The following VWA8 variants were observed in gnomAD, a reference collection of about 807,000 sequenced individuals.
VWA8 encodes von Willebrand factor A domain containing 8.
VWA8 carries 221 observed loss-of-function variants against 241.5 expected under a neutral mutation model. The observed-to-expected ratio is 0.91, with a 90% CI of 0.82 to 1.02. The LOEUF (loss-of-function observed/expected upper bound fraction) is 1.02. Ranked by LOEUF, VWA8 falls within the 50% of genes least tolerant of loss-of-function variation. The probability of loss-of-function intolerance (pLI) is 0.00; values close to 1 mark genes in which losing one functional copy is unlikely to be tolerated. For synonymous variants in VWA8, 852 were observed against 827.1 expected (o/e 1.03, Z -0.52); for missense variants, 2,322 against 2,328.7 (o/e 1.00, Z 0.06).
rs931890667 is a variant in VWA8 at position 41,882,222 on chromosome 13, C to T, written c.1080+1165G>A. Among the ~76,000 whole-genome samples the T allele has an allele frequency of 4.0e-5, 6 of 151,182 alleles. 1 individual carries two copies. The highest frequency in any genetic ancestry group is 7.4e-5 in the Non-Finnish European group (5 of 67,850). On this transcript the variant is annotated intron_variant, in intron 9 of 44. Transcript: ENST00000379310. ...CAGACGATGGGCGGCCGGGCAGAGA[C>T]GCTCCTCACTTCCTAGATGGGATGG...
intron 17 of VWA8, among the ~76,000 whole-genome samples, chr13:41,793,801 C>T (rs1869563472): frequency 1.3e-5 from 2 of 152,110 alleles, no homozygotes; most frequent in African/African-American, 4.8e-5. Flanking sequence ...GGCGACAGAG[C>T]AAGACTCCAT....
intron 38 of VWA8, among the ~76,000 whole-genome samples, chr13:41,611,955 C>T (rs1471302251): frequency 6.6e-6 from 1 of 152,190 alleles, no homozygotes; most frequent in Non-Finnish European, 1.5e-5. Context: ...CTTACTCCAG[C>T]TTCTATGACA....
At chr13:41,578,041 T>C (rs934250219) in intron 42 of VWA8, among the ~76,000 whole-genome samples, 1 of 152,250 alleles carries the variant, frequency 6.6e-6, no homozygotes, top group Non-Finnish European at 1.5e-5. Flanking sequence ...GATATATCTA[T>C]CTACCATTTA....
intron 1 of VWA8, among the ~76,000 whole-genome samples, chr13:41,950,417 G>A (rs1189521243): frequency 6.6e-6 from 1 of 151,630 alleles, no homozygotes; most frequent in Non-Finnish European, 1.5e-5. Context: ...CACCTGGGCT[G>A]GAGTGCAGTG....
At chr13:41,634,846 A>G (rs982687676) in intron 37 of VWA8, among the ~76,000 whole-genome samples, 1 of 152,190 alleles carries the variant, frequency 6.6e-6, no homozygotes, top group Non-Finnish European at 1.5e-5. Context: ...TAATATTTTT[A>G]TACGATTTTA....
At chr13:41,890,919 G>C (rs1466550326) in intron 5 of VWA8, among the ~76,000 whole-genome samples, 1 of 152,108 alleles carries the variant, frequency 6.6e-6, no homozygotes, top group Non-Finnish European at 1.5e-5. Context: ...AGCAACCTCG[G>C]CATGTGATGC....
intron 4 of VWA8, among the ~76,000 whole-genome samples, chr13:41,905,732 A>C (rs984157523): frequency 3.0e-4 from 45 of 152,040 alleles, no homozygotes; most frequent in African/African-American, 1.0e-3. Context: ...GTTAATGTTA[A>C]ACGTTTTTAG....
In VWA8 at chr13:41,692,976, C is replaced by T. The variant is rs117582254; in HGVS notation, c.3565-4G>A. 2.6e-6 allele frequency: 4 copies of T among 1,558,036 alleles called. No individual in the cohort carries two copies. The highest frequency in any genetic ancestry group is 1.2e-5 in the South Asian group (1 of 86,730). On this transcript the variant is annotated splice_polypyrimidine_tract_variant and splice_region_variant and intron_variant, in intron 29 of 44. Transcript: ENST00000379310. The stretch of plus-strand genomic sequence containing the variant: ...CTAACAACAGGATAACATTACTCTG[C>T]AAATGATAAAAACAGTGAAAAGCTC...
At chr13:41,834,150 T>C (rs1009967566) in intron 12 of VWA8, among the ~76,000 whole-genome samples, 1 of 152,214 alleles carries the variant, frequency 6.6e-6, no homozygotes, top group Admixed American at 6.5e-5. Context: ...AAGCAATTTT[T>C]AAAAGCACAC....
chr13:41,884,337 C>A (rs2138076327), intron 8 of VWA8, among the ~76,000 whole-genome samples: 1 of 151,510 alleles, frequency 6.6e-6, no homozygotes, highest in Non-Finnish European at 1.5e-5. Flanking sequence ...GGGCTTTTCC[C>A]CTCCTTCACT....
At chr13:41,579,686 C>T (rs1437776781) in intron 42 of VWA8, among the ~76,000 whole-genome samples, 1 of 152,128 alleles carries the variant, frequency 6.6e-6, no homozygotes, top group African/African-American at 2.4e-5. Context: ...TTACAAAGGG[C>T]TTCCATATAT....
intron 43 of VWA8, among the ~76,000 whole-genome samples, chr13:41,572,814 A>G (rs1223472893): frequency 1.5e-5 from 2 of 133,540 alleles, no homozygotes; most frequent in South Asian, 2.6e-4. Context: ...AAAAAAAAAA[A>G]AAAAAAAGAA....
intron 37 of VWA8, among the ~76,000 whole-genome samples, chr13:41,656,536 C>T (rs1212784177): frequency 6.6e-6 from 1 of 152,170 alleles, no homozygotes; most frequent in African/African-American, 2.4e-5. Flanking sequence ...TGGAAAGTCT[C>T]ATATGAATTA....
At chr13:41,890,456 G>A (rs1403219998) in intron 5 of VWA8, among the ~76,000 whole-genome samples, 2 of 152,138 alleles carry the variant, frequency 1.3e-5, no homozygotes, top group African/African-American at 2.4e-5. Flanking sequence ...GATGAACAAG[G>A]GCTAAATGTC....
rs1566037027 is a variant in VWA8, at chr13:41,912,168, A to G, written c.242T>C (p.Ile81Thr). Reference sequence around the variant, plus strand: ...TACAGATTGAGCCAGAGAGTCTGAAACTATAAAGAAAAAAGAGAAAATGAA... The same window carrying G: ...TACAGATTGAGCCAGAGAGTCTGAAGCTATAAAGAAAAAAGAGAAAATGAA... Reference protein sequence around the residue: ...KNPELVPQNYISDSLAQSVVQ... With the variant: ...KNPELVPQNYTSDSLAQSVVQ... Residue 81 changes from isoleucine to threonine, a missense_variant and splice_region_variant, in exon 3 of 45, where the codon ATT becomes ACT. Physicochemically the swap from Ile to Thr is moderately conservative, Grantham distance 89. Coordinates refer to ENST00000379310, the MANE Select transcript of VWA8 (RefSeq NM_015058.2). 5.1e-6 allele frequency: 8 copies of G among 1,584,042 alleles called. No homozygotes were observed. Among genetic ancestry groups the G allele is most frequent in the Non-Finnish European group, 6.9e-6 (8 of 1,165,530 alleles).
At chr13:41,608,227 C>T (rs2044565185) in intron 39 of VWA8, among the ~76,000 whole-genome samples, 1 of 152,060 alleles carries the variant, frequency 6.6e-6, no homozygotes, top group African/African-American at 2.4e-5. Flanking sequence ...ATGAAGAAAT[C>T]TGGAAACCAT....
intron 2 of VWA8, among the ~76,000 whole-genome samples, chr13:41,912,403 C>T (rs1253582979): frequency 1.3e-5 from 2 of 151,908 alleles, no homozygotes; most frequent in African/African-American, 4.8e-5. Context: ...CCATTATTGT[C>T]GATGCTAAAA....
chr13:41,816,734 T>C lies in VWA8; in HGVS notation c.1911A>G (p.Ser637=). 6.2e-7 allele frequency: 1 copy of C among 1,613,808 alleles called. No individual in the cohort carries two copies. The highest frequency in any genetic ancestry group is 1.1e-5 in the South Asian group (1 of 91,048). The change falls in exon 16 of 45, where the codon TCA becomes TCG. Residue 637 remains serine (S), a synonymous_variant. Coordinates refer to ENST00000379310, the MANE Select transcript of VWA8 (RefSeq NM_015058.2). ...VPQEALDKLL[S]FTHKLRETQD... ...GTGTTTCTCTGAGTTTGTGTGTAAA[T>C]GATAATAACTTATCCAGAGCTTCCT...
In VWA8 at chr13:41,907,687, T is replaced by G; in HGVS notation, c.382A>C (p.Lys128Gln). ...AGGGCAATGTATTCGACCTCCCGTT[T>G]GGTCAGCTCCTGTAGAGAAGAGAAT... is the stretch of plus-strand genomic sequence containing the variant. ...SIAMQYLELT[K>Q]REVEYIALSR... The change falls in exon 4 of 45, where the codon AAA becomes CAA. Residue 128 changes from lysine to glutamine, a missense_variant. Physicochemically the swap from Lys to Gln is moderately conservative, Grantham distance 53. Transcript: ENST00000379310. 2 of 1,614,028 alleles carry G rather than the reference T, an allele frequency of 1.2e-6. No individual in the cohort carries two copies. Among genetic ancestry groups the G allele is most frequent in the Non-Finnish European group, 1.7e-6 (2 of 1,179,892 alleles).
Sources: gnomAD v4.1 joint callset for allele counts (sites outside exome capture counted in the v4.1 genomes callset) on GRCh38, gnomAD v4.1.1 for gene constraint, MANE v1.5 for transcripts, NCBI Gene and HGNC (gene_info 2026-07-23, HGNC 2026-07-21) for gene names.